OPHN1: variants seen among roughly 807,000 people sequenced by gnomAD.
OPHN1 encodes the protein oligophrenin 1, also known as oligophrenin-1.
OPHN1 carries 11 observed loss-of-function variants against 60.7 expected under a neutral mutation model. The ratio of observed to expected loss-of-function variants is 0.18; its 90% CI spans 0.11 to 0.30. The LOEUF (loss-of-function observed/expected upper bound fraction) is 0.30, where lower values mean the gene tolerates loss of function less well. Ranked by LOEUF, OPHN1 falls within the 10% of genes least tolerant of loss-of-function variation. The pLI, the probability that OPHN1 is intolerant of heterozygous loss-of-function variation, is 1.00. For missense variants in OPHN1, 449 were observed against 611.0 expected (o/e 0.73, Z 2.80); for synonymous variants, 226 against 222.6 (o/e 1.02, Z -0.14).
intron 18 of OPHN1, 113 bp downstream of exon 18, chrX:68,111,741 G>T (rs1015410671): frequency 1.3e-5 from 7 of 553,517 alleles, no homozygotes; most frequent in Non-Finnish European, 2.2e-5. Flanking sequence ...CAGCTTCCAA[G>T]GAAGCACTTA....
At position 68,063,995 on chromosome X, in the gene OPHN1, A is replaced by G; in HGVS notation, c.2017T>C (p.Leu673=). The part of the protein sequence containing the change: ...EPCPEVDVGK[L]VSRLQDGGTK... ...CCTCCATCCTGCAGCCTAGACACCA[A>G]CTTCCCCACGTCCACCTCTGGGCAG... Residue 673 remains leucine, a synonymous_variant, in exon 21 of 25, where the codon TTG becomes CTG. Coordinates refer to ENST00000355520, the MANE Select transcript of OPHN1 (RefSeq NM_002547.3). The G allele has an allele frequency of 1.4e-5, 17 of 1,209,587 alleles. No homozygotes were observed. Among genetic ancestry groups the G allele is most frequent in the Non-Finnish European group, 1.9e-5 (17 of 894,818 alleles).
At position 68,130,312 on chromosome X, in the gene OPHN1, T is replaced by G. The variant is rs150614467; in HGVS notation, c.1277-10980A>C. ...GAAAAAAGGATGGAGGCTACCCTAG[T>G]TAGCAGCTTAATATAAATCCATATG... On this transcript the variant is annotated intron_variant, in intron 15 of 24. Coordinates refer to ENST00000355520, the MANE Select transcript of OPHN1 (RefSeq NM_002547.3). Among the ~76,000 whole-genome samples, 11 of 111,565 alleles carry G rather than the reference T, an allele frequency of 9.9e-5. No homozygotes were observed. The East Asian group carries it at 3.1e-3, about 31-fold the overall frequency.
chrX:68,166,335 A>G (rs1053543942), intron 15 of OPHN1, among the ~76,000 whole-genome samples: 1 of 110,975 alleles, frequency 9.0e-6, no homozygotes, highest in East Asian at 2.9e-4. Flanking sequence ...GGAGTTCAAG[A>G]CCATCTTGGC....
intron 19 of OPHN1, among the ~76,000 whole-genome samples, chrX:68,088,840 C>T (rs1272225330): frequency 9.1e-6 from 1 of 110,212 alleles, no homozygotes; most frequent in Non-Finnish European, 1.9e-5. Context: ...TAGATGACCA[C>T]CCAGCTAGTA....
chrX:68,195,578 T>C (rs2077509642), intron 12 of OPHN1, among the ~76,000 whole-genome samples: 1 of 112,036 alleles, frequency 8.9e-6, no homozygotes, highest in Non-Finnish European at 1.9e-5. Context: ...TTTGACAGTT[T>C]AGGCAAAGGC....
At chrX:68,387,845 C>G (rs2078632403) in intron 2 of OPHN1, among the ~76,000 whole-genome samples, 2 of 110,974 alleles carry the variant, frequency 1.8e-5, no homozygotes, top group Admixed American at 2.0e-4. Context: ...AACTCAAAGG[C>G]ACTGCAAGTA....
chrX:68,063,919 G>A lies in OPHN1; in HGVS notation c.2093C>T (p.Pro698Leu), dbSNP rs1430143446. ...ATNGPMPGSG[P>L]TKTPSFHIKR... ...TATGTGGAAAGAGGGGGTCTTGGTGGGCCCAGAGCCTGGCATGGGTCCATT... is the reference window on the plus strand; with the variant it reads ...TATGTGGAAAGAGGGGGTCTTGGTGAGCCCAGAGCCTGGCATGGGTCCATT... The change falls in exon 21 of 25, where the codon CCC becomes CTC. Residue 698 changes from proline to leucine, a missense_variant. This residue lies in a region of OPHN1 where 184 missense variants were observed against 160.5 expected (regional missense o/e 1.15). Coordinates refer to ENST00000355520, the MANE Select transcript of OPHN1 (RefSeq NM_002547.3). The A allele has an allele frequency of 8.4e-7, 1 of 1,190,413 alleles. No homozygotes were observed. The highest frequency in any genetic ancestry group is 1.9e-5 in the South Asian group (1 of 53,531).
At chrX:68,306,387 G>A (rs897894519) in intron 2 of OPHN1, among the ~76,000 whole-genome samples, 7 of 111,764 alleles carry the variant, frequency 6.3e-5, no homozygotes, top group African/African-American at 2.3e-4. Context: ...CTCGTTACTG[G>A]AGCAAATGTT....
At chrX:68,291,827 T>C (rs781360753) in intron 3 of OPHN1, among the ~76,000 whole-genome samples, 15 of 111,112 alleles carry the variant, frequency 1.3e-4, no homozygotes, top group East Asian at 2.8e-4. Flanking sequence ...TTTTCTTCCA[T>C]TTCTTTGAGA....
At chrX:68,217,256 C>T (rs894873025) in intron 6 of OPHN1, among the ~76,000 whole-genome samples, 2 of 112,288 alleles carry the variant, frequency 1.8e-5, no homozygotes, top group East Asian at 2.8e-4. Context: ...GATTATATCC[C>T]GCACCTGGCT....
intron 2 of OPHN1, among the ~76,000 whole-genome samples, chrX:68,400,887 C>T (rs2078711014): frequency 9.0e-6 from 1 of 111,591 alleles, no homozygotes; most frequent in Non-Finnish European, 1.9e-5. Flanking sequence ...CAAGTGTGAG[C>T]CACTGCACCT....
At chrX:68,317,157 T>C (rs1379779287) in intron 2 of OPHN1, among the ~76,000 whole-genome samples, 1 of 105,726 alleles carries the variant, frequency 9.5e-6, no homozygotes, top group African/African-American at 3.5e-5. Context: ...GAAATTAGCC[T>C]GGCGTGGTAA....
chrX:68,133,790 T>C (rs771892654), intron 15 of OPHN1, among the ~76,000 whole-genome samples: 1 of 111,828 alleles, frequency 8.9e-6, no homozygotes, highest in African/African-American at 3.2e-5. Context: ...AGAGCGTGTG[T>C]ATGTATATTT....
intron 3 of OPHN1, among the ~76,000 whole-genome samples, chrX:68,287,998 A>T (rs2147613203): frequency 8.9e-6 from 1 of 111,732 alleles, no homozygotes; most frequent in African/African-American, 3.2e-5. Flanking sequence ...CTTTAAAATT[A>T]AGTTGCTGAG....
chrX:68,099,380 G>A (rs1899158910), intron 18 of OPHN1, among the ~76,000 whole-genome samples: 1 of 111,333 alleles, frequency 9.0e-6, no homozygotes, highest in African/African-American at 3.3e-5. Flanking sequence ...CTGATTGCAT[G>A]GTTTAGATTA....
chrX:68,283,163 G>C (rs1440156611), intron 3 of OPHN1, 46 bp from the exon 4 acceptor site: 1 of 1,037,195 alleles, frequency 9.6e-7, no homozygotes, highest in Non-Finnish European at 1.3e-6. Flanking sequence ...CATGGTGCTT[G>C]ACAGACAAAT....
At chrX:68,282,251 G>A (rs1424498417) in intron 4 of OPHN1, among the ~76,000 whole-genome samples, 1 of 110,997 alleles carries the variant, frequency 9.0e-6, no homozygotes, top group Non-Finnish European at 1.9e-5. Flanking sequence ...ATAAATGACA[G>A]GAAAATAAAA....
chrX:68,403,319 T>C (rs1419283295), intron 2 of OPHN1, among the ~76,000 whole-genome samples: 1 of 111,602 alleles, frequency 9.0e-6, no homozygotes, highest in African/African-American at 3.3e-5. Flanking sequence ...TTAAGTGGAA[T>C]AGAATATTGA....
chrX:68,232,334 G>A (rs761212628), intron 6 of OPHN1, among the ~76,000 whole-genome samples: 8 of 111,612 alleles, frequency 7.2e-5, no homozygotes, highest in Non-Finnish European at 1.3e-4. Context: ...GTACACAGCC[G>A]ACTGAGCAAA....
Sources: gnomAD v4.1 joint callset for allele counts (sites outside exome capture counted in the v4.1 genomes callset) on GRCh38, gnomAD v4.1.1 for gene constraint, gnomAD v4.1.1 regional missense constraint, MANE v1.5 for transcripts, NCBI Gene and HGNC (gene_info 2026-07-23, HGNC 2026-07-21) for gene names.